The following KDM1B variants were observed in gnomAD, a reference collection of about 807,000 sequenced individuals.
KDM1B encodes the protein lysine-specific histone demethylase 2.
Under a neutral mutation model 107.4 loss-of-function variants are expected in KDM1B, and 63 were observed. The observed-to-expected ratio is 0.59, with a 90% CI of 0.48 to 0.72. The LOEUF (loss-of-function observed/expected upper bound fraction) is 0.72. Among genes scored for constraint, KDM1B ranks in the 30% least tolerant of loss-of-function variants. The pLI, the probability that KDM1B is intolerant of heterozygous loss-of-function variation, is 0.00. For missense variants in KDM1B, 749 were observed against 1,020.8 expected, an observed-to-expected ratio of 0.73 and a Z score of 3.63; for synonymous variants, 363 against 363.9, an observed-to-expected ratio of 1.00 and a Z score of 0.03.
In KDM1B at chr6:18,179,836, A is replaced by ACTAGATATTTTTTC. The variant is rs369714077; in HGVS notation, c.535-5936_535-5935insCTAGATATTTTTTC. The stretch of plus-strand genomic sequence containing the variant: ...CTATTCCAAAATCTTTCAATTTAGC[A>ACTAGATATTTTTTC]TTGGTTTTTTTTCCTTTTTTTTTTT... On this transcript the variant is annotated intron_variant, in intron 7 of 21. Coordinates refer to ENST00000650836, the MANE Select transcript of KDM1B (RefSeq NM_001364614.2). 9.1e-4 allele frequency among the ~76,000 whole-genome samples: 76 copies of ACTAGATATTTTTTC among 83,518 alleles called. 37 individuals are homozygous for ACTAGATATTTTTTC. The highest frequency in any genetic ancestry group is 1.2e-3 in the South Asian group (3 of 2,574). The allele number at this position is 83,518 out of a possible 152,430, so 54.8% of individuals were successfully genotyped here. A position where few individuals can be genotyped will look rare whatever the true frequency, so the allele number is the denominator to read the frequency against.
chr6:18,208,449 C>T (rs9465119), intron 17 of KDM1B, among the ~76,000 whole-genome samples: 2 of 150,938 alleles, frequency 1.3e-5, no homozygotes, highest in Non-Finnish European at 2.9e-5. Context: ...GAGGTGAGTT[C>T]TAGGGCACAT....
chr6:18,221,676 GTA>G (rs1228267709), intron 21 of KDM1B, among the ~76,000 whole-genome samples: 2 of 152,144 alleles, frequency 1.3e-5, no homozygotes, highest in African/African-American at 4.8e-5. Context: ...CATATACTTA[GTA>G]TTTTAAAGAG....
intron 15 of KDM1B, 52 bp from the exon 16 acceptor site, chr6:18,207,346 C>T: frequency 1.3e-6 from 2 of 1,596,342 alleles, no homozygotes; most frequent in Admixed American, 1.7e-5. Flanking sequence ...GGCTCTCAGG[C>T]ACAGGCACAA....
In KDM1B at chr6:18,205,766, G is replaced by A. The variant is rs545692436; in HGVS notation, c.1659+102G>A. 1.4e-3 allele frequency: 1,652 copies of A among 1,147,710 alleles called. 1 individual carries two copies. The highest frequency in any genetic ancestry group is 1.8e-3 in the Non-Finnish European group (1,578 of 872,202). 71.1% of individuals were successfully genotyped at this position (1,147,710 alleles called of 1,614,324 possible). Reference sequence around the variant, plus strand: ...CCCAGCACTTTGGGAGGCCGAGGTGGGCAGATCATGAGGTCAGGAGATCGA... The same window carrying A: ...CCCAGCACTTTGGGAGGCCGAGGTGAGCAGATCATGAGGTCAGGAGATCGA... On this transcript the variant is annotated intron_variant, in intron 15 of 21. Transcript: ENST00000650836. The surrounding 1 kb of genome is among the most constrained non-coding windows in gnomAD (Gnocchi z 5.7).
chr6:18,207,246 C>T, intron 15 of KDM1B, 152 bp from the exon 16 acceptor site: 1 of 643,532 alleles, frequency 1.6e-6, no homozygotes, highest in South Asian at 2.4e-5. Flanking sequence ...TCGAGATTTC[C>T]TCCCCCAGTG....
intron 15 of KDM1B, among the ~76,000 whole-genome samples, chr6:18,206,664 A>G (rs1036741835): frequency 7.2e-5 from 11 of 151,942 alleles, no homozygotes; most frequent in Admixed American, 3.3e-4. Flanking sequence ...GTCTCAAGTG[A>G]TCCTCCTGCC....
At chr6:18,166,409 G>C (rs45550835) in intron 6 of KDM1B, 31 bp downstream of exon 6, 1 of 1,301,160 alleles carries the variant, frequency 7.7e-7, no homozygotes, top group Non-Finnish European at 1.1e-6. Context: ...TGTCTGTGAA[G>C]TATTTGTGGA....
At position 18,215,110 on chromosome 6, in the gene KDM1B, G is replaced by C; in HGVS notation, c.2213G>C (p.Arg738Pro). ...QVLQQCMATLRELFKEQEVPD... is the reference protein window; with the variant it reads ...QVLQQCMATLPELFKEQEVPD... ...CTGCAGCAGTGCATGGCCACGCTCC[G>C]GGAGCTGTTCAAGGAGCAGGTGAGA... Residue 738 changes from arginine (R) to proline (P), a missense_variant, in exon 20 of 22, where the codon CGG (arginine) becomes CCG (proline). Physicochemically the swap from Arg to Pro is moderately radical, Grantham distance 103. Transcript: ENST00000650836. 1 of 1,612,964 alleles carries C rather than the reference G, an allele frequency of 6.2e-7. No individual in the cohort carries two copies. Among genetic ancestry groups the C allele is most frequent in the Non-Finnish European group, 8.5e-7 (1 of 1,179,740 alleles).
chr6:18,202,145 A>G (rs1788073011), intron 14 of KDM1B, among the ~76,000 whole-genome samples: 1 of 152,112 alleles, frequency 6.6e-6, no homozygotes, highest in Non-Finnish European at 1.5e-5. Context: ...TCACACCTGT[A>G]ATCCGAACAT....
chr6:18,217,503 C>G (rs1015644684), intron 20 of KDM1B, among the ~76,000 whole-genome samples: 1 of 151,770 alleles, frequency 6.6e-6, no homozygotes, highest in Non-Finnish European at 1.5e-5. Context: ...CTCAGCCTCC[C>G]GAGTAGCTGG....
intron 2 of KDM1B, among the ~76,000 whole-genome samples, chr6:18,157,320 C>T (rs1784682797): frequency 6.6e-6 from 1 of 151,954 alleles, no homozygotes; most frequent in Non-Finnish European, 1.5e-5. Flanking sequence ...TCATAAAAAC[C>T]CTCGATAAGA....
chr6:18,161,839 A>G (rs968329034), intron 4 of KDM1B, among the ~76,000 whole-genome samples: 7 of 151,982 alleles, frequency 4.6e-5, no homozygotes, highest in African/African-American at 1.7e-4. Context: ...CTCATATAAC[A>G]TGCCACCTCT....
chr6:18,165,376 T>C (rs9465107), intron 5 of KDM1B, among the ~76,000 whole-genome samples: 140,158 of 151,708 alleles, frequency 0.92, 64,805 homozygotes, highest in African/African-American at 0.94. Context: ...GTGATCTGCC[T>C]GCCTTGGCCT....
chr6:18,156,033 G>A (rs1784572558), intron 2 of KDM1B, 107 bp downstream of exon 2: 1 of 152,210 alleles, frequency 6.6e-6, no homozygotes, highest in Non-Finnish European at 1.5e-5. Context: ...CCCTCCTGGG[G>A]ACTGTCAGAG....
intron 9 of KDM1B, among the ~76,000 whole-genome samples, chr6:18,188,682 C>T (rs1168998433): frequency 5.3e-5 from 8 of 152,116 alleles, no homozygotes; most frequent in Non-Finnish European, 2.9e-5. Context: ...GACACTATCT[C>T]AGCTCACTGC....
intron 7 of KDM1B, among the ~76,000 whole-genome samples, chr6:18,174,283 C>A (rs207466752): frequency 2.0e-5 from 3 of 151,644 alleles, no homozygotes; most frequent in Admixed American, 6.6e-5. Flanking sequence ...ATTCTAGGAC[C>A]CTTATATTTC....
intron 14 of KDM1B, among the ~76,000 whole-genome samples, chr6:18,202,641 A>T (rs1208773181): frequency 6.6e-6 from 1 of 152,180 alleles, no homozygotes; most frequent in Non-Finnish European, 1.5e-5. Flanking sequence ...TGAACATTGG[A>T]ACTCAGTTTG....
In KDM1B at chr6:18,182,368, G is replaced by A. The variant is rs982863431; in HGVS notation, c.535-3404G>A. On this transcript the variant is annotated intron_variant, in intron 7 of 21. Coordinates refer to ENST00000650836, the MANE Select transcript of KDM1B (RefSeq NM_001364614.2). ...ACCCTGAGTAATTTTGGTTTTCAGC[G>A]TGGTATGCTGTTAAGGAGAAAGTCA... Among the ~76,000 whole-genome samples, 12 of 151,964 alleles carry A rather than the reference G, an allele frequency of 7.9e-5. No homozygotes were observed. In the South Asian group the frequency reaches 8.3e-4, roughly 11 times the overall value.
At chr6:18,169,741 T>C (rs1785536007) in intron 6 of KDM1B, among the ~76,000 whole-genome samples, 1 of 152,158 alleles carries the variant, frequency 6.6e-6, no homozygotes, top group South Asian at 2.1e-4. Flanking sequence ...TACTTTCTTT[T>C]CTAAGAGTTC....
Sources: gnomAD v4.1 joint callset for allele counts (sites outside exome capture counted in the v4.1 genomes callset) on GRCh38, gnomAD v4.1.1 for gene constraint, Gnocchi (gnomAD v3.1) non-coding constraint, MANE v1.5 for transcripts, NCBI Gene and HGNC (gene_info 2026-07-23, HGNC 2026-07-21) for gene names.